Variants in MLLT3 observed in about 807,000 individuals in gnomAD.
MLLT3 encodes protein AF-9.
Under a neutral mutation model 53.2 loss-of-function variants are expected in MLLT3, and 4 were observed. That is an observed-to-expected ratio of 0.08 (90% CI 0.04 to 0.17). The LOEUF is 0.17. Among genes scored for constraint, MLLT3 ranks in the 10% least tolerant of loss-of-function variants. The probability of loss-of-function intolerance (pLI) is 1.00; values close to 1 mark genes in which losing one functional copy is unlikely to be tolerated. For synonymous variants in MLLT3, 283 were observed against 230.6 expected (o/e 1.23, Z -2.06); for missense variants, 569 against 684.0 (o/e 0.83, Z 1.87).
intron 2 of MLLT3, among the ~76,000 whole-genome samples, chr9:20,569,065 A>G (rs1200275616): frequency 6.6e-6 from 1 of 152,298 alleles, no homozygotes; most frequent in East Asian, 1.9e-4. Flanking sequence ...ACGTAACCCT[A>G]TGTGAGGGTA....
At chr9:20,424,963 G>A (rs1383624743) in intron 4 of MLLT3, among the ~76,000 whole-genome samples, 2 of 152,182 alleles carry the variant, frequency 1.3e-5, no homozygotes, top group Non-Finnish European at 2.9e-5. Context: ...AACTATGTGA[G>A]TGCTTTCTAT....
chr9:20,438,172 G>C (rs957332409), intron 4 of MLLT3, among the ~76,000 whole-genome samples: 16 of 152,324 alleles, frequency 1.1e-4, no homozygotes, highest in African/African-American at 2.9e-4. Flanking sequence ...TTTCAAGAAA[G>C]ATGTATTTAT....
At chr9:20,451,402 G>A (rs1340321958) in intron 3 of MLLT3, among the ~76,000 whole-genome samples, 1 of 151,978 alleles carries the variant, frequency 6.6e-6, no homozygotes. Context: ...AAAAGAATGA[G>A]GTAATATCAA....
chr9:20,561,417 A>G (rs1195026612), intron 2 of MLLT3, among the ~76,000 whole-genome samples: 1 of 152,200 alleles, frequency 6.6e-6, no homozygotes, highest in African/African-American at 2.4e-5. Context: ...TCTGATTAAG[A>G]AAAAACTCCA....
At chr9:20,388,139 A>C (rs1822087413) in intron 5 of MLLT3, among the ~76,000 whole-genome samples, 2 of 152,168 alleles carry the variant, frequency 1.3e-5, no homozygotes, top group South Asian at 2.1e-4. Context: ...CAAAACAAAA[A>C]GGAAGATCAA....
chr9:20,471,801 A>G (rs186919176), intron 2 of MLLT3, among the ~76,000 whole-genome samples: 2 of 152,004 alleles, frequency 1.3e-5, no homozygotes, highest in Admixed American at 1.3e-4. Flanking sequence ...AAATACTGAG[A>G]CATAATTCTG....
chr9:20,431,875 A>G (rs1354890619), intron 4 of MLLT3, among the ~76,000 whole-genome samples: 3 of 152,198 alleles, frequency 2.0e-5, no homozygotes, highest in Admixed American at 1.3e-4. Flanking sequence ...CATAAAAAAT[A>G]CATATACTAT....
At chr9:20,465,935 T>A (rs1467689859) in intron 2 of MLLT3, among the ~76,000 whole-genome samples, 1 of 152,132 alleles carries the variant, frequency 6.6e-6, no homozygotes, top group African/African-American at 2.4e-5. Context: ...CTTTCAATCT[T>A]CTTCAAGAAA....
intron 2 of MLLT3, among the ~76,000 whole-genome samples, chr9:20,501,518 G>A (rs544229695): frequency 2.9e-4 from 44 of 151,688 alleles, no homozygotes; most frequent in Admixed American, 3.9e-4. Flanking sequence ...TTGGGAGGTC[G>A]AGGCGGGTGG....
chr9:20,615,645 G>T (rs1352208453), intron 2 of MLLT3, among the ~76,000 whole-genome samples: 1 of 151,636 alleles, frequency 6.6e-6, no homozygotes, highest in Non-Finnish European at 1.5e-5. Flanking sequence ...AGCAGTTCTC[G>T]GAGTGTAGAG....
intron 2 of MLLT3, among the ~76,000 whole-genome samples, chr9:20,555,580 A>G (rs971448586): frequency 6.6e-6 from 1 of 152,222 alleles, no homozygotes; most frequent in Non-Finnish European, 1.5e-5. Context: ...ACTCTAAAGG[A>G]AAACAACTAT....
In MLLT3 at chr9:20,416,183, G is replaced by A. The variant is rs185142276; in HGVS notation, c.421-1758C>T. Among the ~76,000 whole-genome samples, 209 of 151,742 alleles carry A rather than the reference G, an allele frequency of 1.4e-3. 1 individual carries two copies. Among genetic ancestry groups the A allele is most frequent in the Non-Finnish European group, 2.1e-3 (142 of 67,768 alleles). On this transcript the variant is annotated intron_variant, in intron 4 of 10. Coordinates refer to ENST00000380338, the MANE Select transcript of MLLT3 (RefSeq NM_004529.4). ...AGTATAATGGACAAACCAAATTAAG[G>A]AACAACATTTTGAAATCTAATATCC...
chr9:20,613,590 T>A (rs1416400959), intron 2 of MLLT3, among the ~76,000 whole-genome samples: 1 of 151,798 alleles, frequency 6.6e-6, no homozygotes, highest in African/African-American at 2.4e-5. Context: ...CCCCATGCTT[T>A]TTTTTTTTTA....
intron 2 of MLLT3, among the ~76,000 whole-genome samples, chr9:20,593,941 ATT>A (rs35062068): frequency 2.1e-5 from 3 of 142,002 alleles, no homozygotes; most frequent in South Asian, 2.2e-4. Flanking sequence ...CAATGTTCTC[ATT>A]TTTTTTTTTT....
intron 2 of MLLT3, among the ~76,000 whole-genome samples, chr9:20,590,823 A>T (rs1449118164): frequency 6.6e-6 from 1 of 152,022 alleles, no homozygotes; most frequent in Non-Finnish European, 1.5e-5. Context: ...GCAGCCTCGA[A>T]TTCCTGGGCT....
intron 2 of MLLT3, among the ~76,000 whole-genome samples, chr9:20,560,416 A>ACTGT (rs1819173541): frequency 6.6e-6 from 1 of 152,194 alleles, no homozygotes; most frequent in Non-Finnish European, 1.5e-5. Flanking sequence ...TACCAACTAT[A>ACTGT]CTGTCATTCA....
At chr9:20,521,956 A>G (rs1818073214) in intron 2 of MLLT3, among the ~76,000 whole-genome samples, 1 of 152,128 alleles carries the variant, frequency 6.6e-6, no homozygotes, top group African/African-American at 2.4e-5. Context: ...CTAAAGGGAG[A>G]CAGCACGTGA....
At chr9:20,516,121 C>T (rs989010131) in intron 2 of MLLT3, among the ~76,000 whole-genome samples, 8 of 152,152 alleles carry the variant, frequency 5.3e-5, no homozygotes, top group African/African-American at 1.9e-4. Flanking sequence ...CTATGAACAC[C>T]AGCACTGCCT....
In MLLT3 at chr9:20,520,329, C is replaced by A. The variant is rs771368663; in HGVS notation, c.194-63543G>T. Among the ~76,000 whole-genome samples the A allele has an allele frequency of 9.9e-5, 15 of 151,920 alleles. No homozygotes were observed. The South Asian group carries it at 3.1e-3, about 32-fold the overall frequency. ...AGTTTACCTACATAACAAATCTGCA[C>A]ATGGACCCCTGAACTTAAAAGTCAA... On this transcript the variant is annotated intron_variant, in intron 2 of 10. Coordinates refer to ENST00000380338, the MANE Select transcript of MLLT3 (RefSeq NM_004529.4).
Sources: gnomAD v4.1 joint callset for allele counts (sites outside exome capture counted in the v4.1 genomes callset) on GRCh38, gnomAD v4.1.1 for gene constraint, MANE v1.5 for transcripts, NCBI Gene and HGNC (gene_info 2026-07-23, HGNC 2026-07-21) for gene names.